Variants in CDKAL1 observed in about 807,000 individuals in gnomAD.
The protein encoded by CDKAL1 is CDKAL1 threonylcarbamoyladenosine tRNA methylthiotransferase, also known as threonylcarbamoyladenosine tRNA methylthiotransferase.
A neutral mutation model predicts 68.2 loss-of-function variants in CDKAL1; 32 were observed. The ratio of observed to expected loss-of-function variants is 0.47; its 90% CI spans 0.35 to 0.63. The LOEUF (loss-of-function observed/expected upper bound fraction) is 0.63, where lower values mean the gene tolerates loss of function less well. CDKAL1 is among the 30% of genes least tolerant of loss of function. The pLI is 0.00. For synonymous variants in CDKAL1, 234 were observed against 244.3 expected (o/e 0.96, Z 0.39); for missense variants, 606 against 696.7 (o/e 0.87, Z 1.47).
chr6:20,548,449 C>T (rs970637192), intron 3 of CDKAL1, 144 bp from the exon 4 acceptor site: 2 of 617,194 alleles, frequency 3.2e-6, no homozygotes, highest in African/African-American at 3.8e-5. Flanking sequence ...GGGAGGATCC[C>T]TTAGGCCTGG....
chr6:20,997,969 C>A (rs534579344), intron 10 of CDKAL1, among the ~76,000 whole-genome samples: 69 of 152,242 alleles, frequency 4.5e-4, no homozygotes, highest in African/African-American at 1.7e-3. Context: ...AATTTATTTT[C>A]ACAATAGCCC....
rs546041225 is a variant in CDKAL1 at position 20,925,656 on chromosome 6, C to G, written c.743-29763C>G. ...CTTAGTAGTGCATTTTTTAAAAAGA[C>G]ATGTTTTACATTGTTGGTATCTTGG... On this transcript the variant is annotated intron_variant, in intron 9 of 15. Transcript: ENST00000274695. Among the ~76,000 whole-genome samples the G allele has an allele frequency of 6.6e-5, 10 of 152,162 alleles. No individual in the cohort carries two copies. In the South Asian group the frequency reaches 1.7e-3, roughly 25 times the overall value.
intron 15 of CDKAL1, among the ~76,000 whole-genome samples, chr6:21,227,591 T>C (rs1188779101): frequency 6.6e-6 from 1 of 152,224 alleles, no homozygotes; most frequent in East Asian, 1.9e-4. Context: ...CTCAAGAGAG[T>C]GGCAAATCTT....
intron 5 of CDKAL1, among the ~76,000 whole-genome samples, chr6:20,672,839 C>G (rs571791881): frequency 6.6e-6 from 1 of 152,160 alleles, no homozygotes; most frequent in South Asian, 2.1e-4. Context: ...TGCAATGGCA[C>G]GATCTTGGCT....
chr6:20,912,493 A>G (rs771797640), intron 9 of CDKAL1, among the ~76,000 whole-genome samples: 5 of 152,314 alleles, frequency 3.3e-5, no homozygotes, highest in Non-Finnish European at 5.9e-5. Flanking sequence ...GGTGGAGTTG[A>G]TGCCCTGATT....
chr6:20,646,119 C>T (rs1768447279), intron 4 of CDKAL1, among the ~76,000 whole-genome samples: 1 of 126,654 alleles, frequency 7.9e-6, no homozygotes, highest in Admixed American at 1.0e-4. Flanking sequence ...TGCAGTGGTG[C>T]AATCTCAGCT....
At chr6:20,634,221 T>C (rs552949347) in intron 4 of CDKAL1, among the ~76,000 whole-genome samples, 1 of 152,354 alleles carries the variant, frequency 6.6e-6, no homozygotes, top group East Asian at 1.9e-4. Context: ...TAGAACTATT[T>C]TCAGTGTATC....
Position 20,550,349 on chromosome 6 carries a change from C to G in CDKAL1, c.286+1644C>G, listed in dbSNP as rs190986948. 2.0e-5 allele frequency among the ~76,000 whole-genome samples: 3 copies of G among 152,284 alleles called. No homozygotes were observed. In the East Asian group the frequency reaches 5.8e-4, roughly 29 times the overall value. On this transcript the variant is annotated intron_variant, in intron 4 of 15. Coordinates refer to ENST00000274695, the MANE Select transcript of CDKAL1 (RefSeq NM_017774.3). ...TCCTGTGGATATAGTCTGATACTAT[C>G]ATTATGTATTATGCTGCTTGTTGTT... is the stretch of plus-strand genomic sequence containing the variant.
At chr6:20,693,129 CAAAAAAAAAA>C (rs70990059) in intron 5 of CDKAL1, among the ~76,000 whole-genome samples, 30,593 of 67,446 alleles carry the variant, frequency 0.45, 3,952 homozygotes, top group East Asian at 0.56. Flanking sequence ...GACTCTGTCT[CAAAAAAAAAA>C]AAAAAAAAAA....
intron 9 of CDKAL1, among the ~76,000 whole-genome samples, chr6:20,890,254 G>A (rs994959029): frequency 1.3e-5 from 2 of 152,200 alleles, no homozygotes; most frequent in Non-Finnish European, 1.5e-5. Context: ...AATAACTAGT[G>A]CTGTAAGCTA....
At chr6:20,956,142 T>C (rs1314340918) in intron 10 of CDKAL1, among the ~76,000 whole-genome samples, 1 of 152,234 alleles carries the variant, frequency 6.6e-6, no homozygotes. Flanking sequence ...GTATTCCCAT[T>C]GTAAGGCCCA....
At position 21,135,345 on chromosome 6, in the gene CDKAL1, T is replaced by C. The variant is rs181197418; in HGVS notation, c.1299+26882T>C. 6.3e-4 allele frequency among the ~76,000 whole-genome samples: 96 copies of C among 152,188 alleles called. 2 individuals are homozygous for C. Among genetic ancestry groups the C allele is most frequent in the African/African-American group, 2.2e-3 (90 of 41,582 alleles). ...GGTCACATGAGATAATGCATGTGTG[T>C]TATAAACTTTTAAGTACTACAAAAA... On this transcript the variant is annotated intron_variant, in intron 13 of 15. Coordinates refer to ENST00000274695, the MANE Select transcript of CDKAL1 (RefSeq NM_017774.3).
intron 9 of CDKAL1, among the ~76,000 whole-genome samples, chr6:20,933,430 A>G (rs1401135335): frequency 2.0e-5 from 3 of 152,342 alleles, no homozygotes; most frequent in East Asian, 3.9e-4. Flanking sequence ...ATAGTTATTA[A>G]CTAAAAGGAG....
At chr6:20,736,065 A>G (rs760572041) in intron 5 of CDKAL1, among the ~76,000 whole-genome samples, 11 of 152,008 alleles carry the variant, frequency 7.2e-5, no homozygotes, top group African/African-American at 2.4e-4. Flanking sequence ...AGTGTGTCCT[A>G]TGTTAATTTA....
intron 15 of CDKAL1, among the ~76,000 whole-genome samples, chr6:21,213,392 T>C (rs1247323167): frequency 6.6e-6 from 1 of 152,202 alleles, no homozygotes; most frequent in Non-Finnish European, 1.5e-5. Flanking sequence ...ATCTCGTTCA[T>C]GAACATGGAT....
intron 15 of CDKAL1, among the ~76,000 whole-genome samples, chr6:21,207,534 T>C (rs971384341): frequency 1.3e-5 from 2 of 152,072 alleles, no homozygotes; most frequent in African/African-American, 4.8e-5. Flanking sequence ...AAAAGTACTT[T>C]GCGTTCATGG....
intron 15 of CDKAL1, among the ~76,000 whole-genome samples, chr6:21,213,776 G>A (rs1278217478): frequency 2.6e-5 from 4 of 152,174 alleles, no homozygotes; most frequent in African/African-American, 9.7e-5. Flanking sequence ...ACCAGATTGT[G>A]TCTCTCTCCT....
intron 10 of CDKAL1, among the ~76,000 whole-genome samples, chr6:20,980,669 A>G (rs1766096497): frequency 8.0e-6 from 1 of 125,762 alleles, no homozygotes; most frequent in Non-Finnish European, 1.8e-5. Flanking sequence ...GTGAATAGGC[A>G]TGAGAACTCC....
At chr6:21,090,607 T>C (rs1013567189) in intron 12 of CDKAL1, among the ~76,000 whole-genome samples, 2 of 152,176 alleles carry the variant, frequency 1.3e-5, no homozygotes, top group Admixed American at 6.5e-5. Context: ...CTCATATATA[T>C]ATGAAAGTAT....
Sources: allele counts gnomAD v4.1 joint callset (sites outside exome capture counted in the v4.1 genomes callset), GRCh38; gene constraint gnomAD v4.1.1; transcripts MANE v1.5; gene names NCBI Gene and HGNC (gene_info 2026-07-23, HGNC 2026-07-21).